BTN2A2: variants seen among roughly 807,000 people sequenced by gnomAD.
BTN2A2 encodes butyrophilin subfamily 2 member A2, also known as butyrophilin 2.
BTN2A2 carries 29 observed loss-of-function variants against 34.7 expected under a neutral mutation model. The ratio of observed to expected loss-of-function variants is 0.84; its 90% CI spans 0.62 to 1.14. The LOEUF is 1.14. BTN2A2 is among the 50% of genes most tolerant of loss of function. The pLI, the probability that BTN2A2 is intolerant of heterozygous loss-of-function variation, is 0.00. For missense variants in BTN2A2, 612 were observed against 651.5 expected (o/e 0.94, Z 0.66); for synonymous variants, 240 against 253.1 (o/e 0.95, Z 0.49).
At chr6:26,389,498 G>A (rs1206400425) in intron 4 of BTN2A2, among the ~76,000 whole-genome samples, 1 of 152,242 alleles carries the variant, frequency 6.6e-6, no homozygotes, top group Non-Finnish European at 1.5e-5. Flanking sequence ...GAAGTAGGGG[G>A]AGATGAATTC....
rs1761736465 is a variant in BTN2A2, at chr6:26,393,607, G to A, written c.*640G>A. 2.0e-6 allele frequency: 2 copies of A among 1,002,114 alleles called. No individual in the cohort carries two copies. Among genetic ancestry groups the A allele is most frequent in the African/African-American group, 1.7e-5 (1 of 57,360 alleles). The allele number at this position is 1,002,114 out of a possible 1,614,324, so 62.1% of individuals were successfully genotyped here. On this transcript the variant is annotated 3_prime_UTR_variant, in exon 8 of 8. Coordinates refer to ENST00000356709, the MANE Select transcript of BTN2A2 (RefSeq NM_006995.5). Reference sequence around the variant, plus strand: ...AGATGAATGAAGAACATGGACTCATGTGGATGTGGTTTGGCTCAGATGTCC... The same window carrying A: ...AGATGAATGAAGAACATGGACTCATATGGATGTGGTTTGGCTCAGATGTCC...
chr6:26,386,311 C>T (rs1237236252), intron 3 of BTN2A2, among the ~76,000 whole-genome samples: 2 of 152,082 alleles, frequency 1.3e-5, no homozygotes, highest in African/African-American at 4.8e-5. Context: ...GTGATTACCT[C>T]AGTGTTGCAG....
At chr6:26,392,327 C>T in intron 7 of BTN2A2, 48 bp from the exon 8 acceptor site, 2 of 1,613,958 alleles carry the variant, frequency 1.2e-6, no homozygotes, top group Non-Finnish European at 8.5e-7. Context: ...CCACACAATC[C>T]CCAGGGTTCC....
rs768926513 is a variant in BTN2A2, at chr6:26,387,475, A to T, written c.443-538A>T. On this transcript the variant is annotated intron_variant, in intron 3 of 7. Transcript: ENST00000356709. ...GCTGAGCATAGTGGCCCATGCCTGT[A>T]ATCCCAGCACTTTGGGAGGTCAAGA... is the stretch of plus-strand genomic sequence containing the variant. Among the ~76,000 whole-genome samples the T allele has an allele frequency of 2.0e-4, 31 of 152,116 alleles. 1 individual carries two copies. Among genetic ancestry groups the T allele is most frequent in the Middle Eastern group, 3.4e-3 (1 of 294 alleles).
At position 26,394,306 on chromosome 6, in the gene BTN2A2, C is replaced by G; in HGVS notation, c.*1339C>G. On this transcript the variant is annotated 3_prime_UTR_variant, in exon 8 of 8. Transcript: ENST00000356709. Reference sequence around the variant, plus strand: ...GTGCTGGTTAATTTTAGATGTCAACCTGACTGGATTAAGGAATACCTAGAC... The same window carrying G: ...GTGCTGGTTAATTTTAGATGTCAACGTGACTGGATTAAGGAATACCTAGAC... 1.4e-6 allele frequency: 1 copy of G among 700,622 alleles called. No homozygotes were observed. The highest frequency in any genetic ancestry group is 2.6e-6 in the Non-Finnish European group (1 of 384,738). The allele number at this position is 700,622 out of a possible 1,614,324, so 43.4% of individuals were successfully genotyped here.
rs146142561 is a variant in BTN2A2, at chr6:26,392,565, C to T, written c.1170C>T (p.Asn390=). ...ATTACTGGGAGGTGGAGGTGGAAAA[C>T]GTGATGGTGTGGACTGTGGGGGTCT... ...GKHYWEVEVE[N]VMVWTVGVCR... Residue 390 remains asparagine (N), a synonymous_variant, in exon 8 of 8, where the codon AAC becomes AAT. Coordinates refer to ENST00000356709, the MANE Select transcript of BTN2A2 (RefSeq NM_006995.5). 2.3e-4 allele frequency: 373 copies of T among 1,613,988 alleles called. 2 individuals are homozygous for T. The highest frequency in any genetic ancestry group is 4.6e-5 in the Non-Finnish European group (54 of 1,180,010).
chr6:26,392,015 G>A (rs543642074), intron 7 of BTN2A2: 824 of 606,132 alleles, frequency 1.4e-3, no homozygotes, highest in Non-Finnish European at 2.1e-3. Context: ...AGCCAAGTTG[G>A]AAAGTTTCTA....
Position 26,393,356 on chromosome 6 carries a change from A to G in BTN2A2, c.*389A>G. ...TGGAATGAGGCCAACAGGGTTCACCAGGATGAGAGAGGAGAGAGGAATCCA... is the reference window on the plus strand; with the variant it reads ...TGGAATGAGGCCAACAGGGTTCACCGGGATGAGAGAGGAGAGAGGAATCCA... On this transcript the variant is annotated 3_prime_UTR_variant, in exon 8 of 8. Transcript: ENST00000356709. 8 of 1,178,640 alleles carry G rather than the reference A, an allele frequency of 6.8e-6. No homozygotes were observed. Among genetic ancestry groups the G allele is most frequent in the Non-Finnish European group, 7.4e-6 (7 of 941,504 alleles). 73.0% of individuals were successfully genotyped at this position (1,178,640 alleles called of 1,614,324 possible).
intron 3 of BTN2A2, among the ~76,000 whole-genome samples, chr6:26,386,484 A>G (rs150847534): frequency 1.0e-3 from 159 of 151,572 alleles, no homozygotes; most frequent in Admixed American, 2.0e-3. Context: ...AGGAGACCCT[A>G]TCTTTGCTAC....
chr6:26,388,200 T>C lies in BTN2A2; in HGVS notation c.630T>C (p.Ala210=). The C allele has an allele frequency of 6.2e-7, 1 of 1,614,176 alleles. No individual in the cohort carries two copies. The highest frequency in any genetic ancestry group is 8.5e-7 in the Non-Finnish European group (1 of 1,180,020). ...ACGGCCTCTTCATGGTCACCACAGC[T>C]GTGATCATCAGAGACAAGTATGTGA... ...DADGLFMVTT[A]VIIRDKYVRN... is the part of the protein sequence containing the mutation. Residue 210 remains alanine, a synonymous_variant, in exon 4 of 8, where the codon GCT becomes GCC. Coordinates refer to ENST00000356709, the MANE Select transcript of BTN2A2 (RefSeq NM_006995.5).
rs1268281094 is a variant in BTN2A2 at position 26,394,116 on chromosome 6, G to A, written c.*1149G>A. 3.8e-6 allele frequency: 2 copies of A among 526,562 alleles called. No homozygotes were observed. Among genetic ancestry groups the A allele is most frequent in the Non-Finnish European group, 3.4e-6 (1 of 296,558 alleles). 32.6% of individuals were successfully genotyped at this position (526,562 alleles called of 1,614,324 possible). ...CATGTTAGCTCAAAAAAACTTTACTGCACACTACTGAGAGAATGAGATGAA... is the reference window on the plus strand; with the variant it reads ...CATGTTAGCTCAAAAAAACTTTACTACACACTACTGAGAGAATGAGATGAA... On this transcript the variant is annotated 3_prime_UTR_variant, in exon 8 of 8. Coordinates refer to ENST00000356709, the MANE Select transcript of BTN2A2 (RefSeq NM_006995.5).
Position 26,392,912 on chromosome 6 carries a change from T to C in BTN2A2, c.1517T>C (p.Met506Thr), listed in dbSNP as rs143694906. 304 of 1,613,760 alleles carry C rather than the reference T, an allele frequency of 1.9e-4. 1 individual carries two copies. The African/African-American group carries it at 2.4e-3, about 13-fold the overall frequency. Residue 506 changes from methionine to threonine, a missense_variant, in exon 8 of 8, where the codon ATG (methionine) becomes ACG (threonine). Transcript: ENST00000356709. The stretch of plus-strand genomic sequence containing the variant: ...GCACTCACAGGAGCCAGTGGGGTCA[T>C]GGTGCCTGAAGAGGGCCTGAAACTT... ...CPALTGASGV[M>T]VPEEGLKLHR...
chr6:26,394,439 C>A lies in BTN2A2; in HGVS notation c.*1472C>A. ...CCTTCTGTTGGCTGGGTGCCCAATA[C>A]AACAAAAAGGCAGAGGAAAGGCAAA... On this transcript the variant is annotated 3_prime_UTR_variant, in exon 8 of 8. Coordinates refer to ENST00000356709, the MANE Select transcript of BTN2A2 (RefSeq NM_006995.5). 3.1e-6 allele frequency: 2 copies of A among 643,954 alleles called. No homozygotes were observed. The highest frequency in any genetic ancestry group is 5.7e-6 in the Non-Finnish European group (2 of 352,280). The allele number at this position is 643,954 out of a possible 1,614,324, so 39.9% of individuals were successfully genotyped here. A position where few individuals can be genotyped will look rare whatever the true frequency, so the allele number is the denominator to read the frequency against.
At position 26,393,372 on chromosome 6, in the gene BTN2A2, G is replaced by C; in HGVS notation, c.*405G>C. 5 of 1,162,474 alleles carry C rather than the reference G, an allele frequency of 4.3e-6. No individual in the cohort carries two copies. The highest frequency in any genetic ancestry group is 5.4e-6 in the Non-Finnish European group (5 of 932,850). 72.0% of individuals were successfully genotyped at this position (1,162,474 alleles called of 1,614,324 possible). On this transcript the variant is annotated 3_prime_UTR_variant, in exon 8 of 8. Coordinates refer to ENST00000356709, the MANE Select transcript of BTN2A2 (RefSeq NM_006995.5). ...GGGTTCACCAGGATGAGAGAGGAGA[G>C]AGGAATCCACAGGACCACCAGAAGG...
rs1761729173 is a variant in BTN2A2, at chr6:26,393,509, G to A, written c.*542G>A. On this transcript the variant is annotated 3_prime_UTR_variant, in exon 8 of 8. Transcript: ENST00000356709. ...CCACCATAAGAGCTAAAGGGTCCTG[G>A]GAGATGATGGCTCATTTCCACCCAA... 2 of 1,020,760 alleles carry A rather than the reference G, an allele frequency of 2.0e-6. No homozygotes were observed. Among genetic ancestry groups the A allele is most frequent in the Non-Finnish European group, 1.2e-6 (1 of 851,972 alleles). The allele number at this position is 1,020,760 out of a possible 1,614,324, so 63.2% of individuals were successfully genotyped here.
At position 26,390,138 on chromosome 6, in the gene BTN2A2, C is replaced by G; in HGVS notation, c.858C>G (p.Ile286Met). ...TCATGGCTGTCAGCATCTGTTGCATCAAGAAACTTCAAAGGGAAAAAAAGA... is the reference window on the plus strand; with the variant it reads ...TCATGGCTGTCAGCATCTGTTGCATGAAGAAACTTCAAAGGGAAAAAAAGA... ...IIFMAVSICC[I>M]KKLQREKKIL... Residue 286 changes from isoleucine (I) to methionine (M), a missense_variant, in exon 5 of 8, where the codon ATC becomes ATG. Ile to Met is a conservative substitution (Grantham distance 10). Transcript: ENST00000356709. The G allele has an allele frequency of 6.2e-7, 1 of 1,613,674 alleles. No homozygotes were observed. Among genetic ancestry groups the G allele is most frequent in the Non-Finnish European group, 8.5e-7 (1 of 1,179,962 alleles).
At chr6:26,391,163 T>G (rs11756444) in intron 7 of BTN2A2, 28,626 of 492,058 alleles carry the variant, frequency 0.058, 1,032 homozygotes, top group African/African-American at 0.094. Context: ...CAATTTGAAA[T>G]AAGATAATGC....
intron 3 of BTN2A2, among the ~76,000 whole-genome samples, chr6:26,386,420 A>G (rs565327671): frequency 6.6e-6 from 1 of 152,354 alleles, no homozygotes; most frequent in African/African-American, 2.4e-5. Flanking sequence ...AGACCAGTGG[A>G]GGCAAGGACT....
chr6:26,389,006 G>A (rs567060687), intron 4 of BTN2A2, among the ~76,000 whole-genome samples: 1 of 152,182 alleles, frequency 6.6e-6, no homozygotes, highest in East Asian at 1.9e-4. Context: ...TGTAATCCCC[G>A]CTGCTTGGGA....
Sources: allele counts gnomAD v4.1 joint callset (sites outside exome capture counted in the v4.1 genomes callset), GRCh38; gene constraint gnomAD v4.1.1; transcripts MANE v1.5; gene names NCBI Gene and HGNC (gene_info 2026-07-23, HGNC 2026-07-21).